The following TNFRSF21 variants were observed in gnomAD, a reference collection of about 807,000 sequenced individuals.
The protein encoded by TNFRSF21 is tumor necrosis factor receptor superfamily member 21.
TNFRSF21 carries 19 observed loss-of-function variants against 45.6 expected under a neutral mutation model. The observed-to-expected ratio is 0.42, with a 90% CI of 0.29 to 0.61. The LOEUF is 0.61. Among genes scored for constraint, TNFRSF21 ranks in the 20% least tolerant of loss-of-function variants. The pLI is 0.23. For missense variants in TNFRSF21, 737 were observed against 851.5 expected (o/e 0.87, Z 1.67); for synonymous variants, 314 against 335.5 (o/e 0.94, Z 0.70).
chr6:47,245,455 TGTTTG>T (rs1764810854), intron 4 of TNFRSF21, among the ~76,000 whole-genome samples: 6 of 123,970 alleles, frequency 4.8e-5, no homozygotes, highest in Middle Eastern at 3.8e-3. Context: ...TGTGTGTGTG[TGTTTG>T]TGTGTGTGTG....
chr6:47,294,796 GC>G (rs1762772897), intron 1 of TNFRSF21, among the ~76,000 whole-genome samples: 1 of 152,040 alleles, frequency 6.6e-6, no homozygotes, highest in Admixed American at 6.6e-5. Context: ...CCTCAAAAGT[GC>G]TGGAATTATA....
At chr6:47,262,977 T>G (rs553002986) in intron 3 of TNFRSF21, among the ~76,000 whole-genome samples, 1 of 152,044 alleles carries the variant, frequency 6.6e-6, no homozygotes, top group Admixed American at 6.6e-5. Context: ...AAGAATAAAC[T>G]GAAGGGAGCA....
chr6:47,297,443 T>C (rs971042491), intron 1 of TNFRSF21, among the ~76,000 whole-genome samples: 2 of 152,094 alleles, frequency 1.3e-5, no homozygotes, highest in Non-Finnish European at 2.9e-5. Flanking sequence ...ATTTTAACAA[T>C]CTTTTAGTTT....
At chr6:47,272,803 T>C (rs987340473) in intron 3 of TNFRSF21, among the ~76,000 whole-genome samples, 9 of 152,078 alleles carry the variant, frequency 5.9e-5, no homozygotes, top group African/African-American at 1.7e-4. Context: ...AAGAATCAAA[T>C]TGATGCAATA....
At position 47,276,246 on chromosome 6, in the gene TNFRSF21, G is replaced by C. The variant is rs371851612; in HGVS notation, c.1243+7692C>G. On this transcript the variant is annotated intron_variant, in intron 3 of 5. Coordinates refer to ENST00000296861, the MANE Select transcript of TNFRSF21 (RefSeq NM_014452.5). Reference sequence around the variant, plus strand: ...GAGGTGGACCCATACATAAGATGGAGTCTCCTGGTGAAAGCCGACATCTGT... The same window carrying C: ...GAGGTGGACCCATACATAAGATGGACTCTCCTGGTGAAAGCCGACATCTGT... Among the ~76,000 whole-genome samples, 21 of 152,256 alleles carry C rather than the reference G, an allele frequency of 1.4e-4. 1 individual carries two copies. In the South Asian group the frequency reaches 3.1e-3, roughly 23 times the overall value.
chr6:47,282,396 A>T (rs1032629385), intron 3 of TNFRSF21, among the ~76,000 whole-genome samples: 6 of 118,890 alleles, frequency 5.0e-5, no homozygotes, highest in South Asian at 2.4e-4. Context: ...AAAAAAAAAT[A>T]AAAAAAAAAA....
intron 3 of TNFRSF21, among the ~76,000 whole-genome samples, chr6:47,253,840 G>A (rs1484204114): frequency 1.3e-5 from 2 of 152,182 alleles, no homozygotes; most frequent in Non-Finnish European, 2.9e-5. Flanking sequence ...TGTTACTATA[G>A]TAATACACCC....
At chr6:47,263,553 G>A (rs559120132) in intron 3 of TNFRSF21, among the ~76,000 whole-genome samples, 160 of 152,314 alleles carry the variant, frequency 1.1e-3, no homozygotes, top group Admixed American at 3.0e-3. Flanking sequence ...GCCCAAGATG[G>A]AGGAGGAAAA....
At chr6:47,265,766 T>C (rs1193079580) in intron 3 of TNFRSF21, among the ~76,000 whole-genome samples, 1 of 152,234 alleles carries the variant, frequency 6.6e-6, no homozygotes, top group Non-Finnish European at 1.5e-5. Context: ...ATGTATACTG[T>C]AGTAATCACA....
At chr6:47,242,538 T>C (rs1764760557) in intron 4 of TNFRSF21, among the ~76,000 whole-genome samples, 1 of 152,202 alleles carries the variant, frequency 6.6e-6, no homozygotes, top group Non-Finnish European at 1.5e-5. Context: ...GTGCCTTTCC[T>C]GTATGTACAG....
intron 3 of TNFRSF21, among the ~76,000 whole-genome samples, chr6:47,262,145 G>GA (rs750139539): frequency 9.7e-4 from 147 of 151,584 alleles, no homozygotes; most frequent in Non-Finnish European, 1.4e-3. Flanking sequence ...GAAAGAGAAA[G>GA]AAAAAAAACA....
At chr6:47,264,290 G>A (rs925232999) in intron 3 of TNFRSF21, among the ~76,000 whole-genome samples, 1 of 152,166 alleles carries the variant, frequency 6.6e-6, no homozygotes, top group African/African-American at 2.4e-5. Flanking sequence ...CACTTTGGGA[G>A]GCCAAGGCAG....
At chr6:47,264,607 C>G (rs1366210172) in intron 3 of TNFRSF21, among the ~76,000 whole-genome samples, 1 of 152,224 alleles carries the variant, frequency 6.6e-6, no homozygotes, top group African/African-American at 2.4e-5. Context: ...CAGTCTCTGA[C>G]TCCCAAGGTC....
At chr6:47,292,892 T>C (rs772590072) in intron 1 of TNFRSF21, among the ~76,000 whole-genome samples, 2 of 152,332 alleles carry the variant, frequency 1.3e-5, no homozygotes, top group Middle Eastern at 3.4e-3. Context: ...TTGTCTTACA[T>C]ATCCAAAGGG....
rs1162364442 is a variant in TNFRSF21, at chr6:47,234,880, CT to C, written c.1527del (p.Ala510LeufsTer4). On this transcript the variant is annotated frameshift_variant, in exon 5 of 6. Coordinates refer to ENST00000296861, the MANE Select transcript of TNFRSF21 (RefSeq NM_014452.5). LOFTEE classifies it high-confidence loss of function. ...EDTTQLETDK[L>X]ALPMSPSPLS... ...AGCGGGCTGGGGCTCATCGGGAGAG[CT>C]AGTTTGTCAGTTTCCAGCTGTAGGA... The C allele has an allele frequency of 1.4e-6, 2 of 1,381,476 alleles. No homozygotes were observed. The allele number at this position is 1,381,476 out of a possible 1,614,324, so 85.6% of individuals were successfully genotyped here.
Position 47,253,302 on chromosome 6 carries a change from T to G in TNFRSF21, c.1463A>C (p.Asn488Thr), listed in dbSNP as rs192431004. ...CCCACGAATCTTCTCCACAACATCG[T>G]TTCTCCGGTGCTGGCGCAGGGCGCT... ...LISALRQHRR[N>T]DVVEKIRGLM... is the part of the protein sequence containing the mutation. Residue 488 changes from asparagine (N) to threonine (T), a missense_variant, in exon 4 of 6, where the codon AAC (asparagine) becomes ACC (threonine). Transcript: ENST00000296861. The G allele has an allele frequency of 1.7e-5, 27 of 1,613,798 alleles. No homozygotes were observed. The highest frequency in any genetic ancestry group is 1.9e-5 in the Non-Finnish European group (23 of 1,179,880).
chr6:47,306,210 T>G (rs1198417181), intron 1 of TNFRSF21, among the ~76,000 whole-genome samples: 1 of 152,220 alleles, frequency 6.6e-6, no homozygotes, highest in Non-Finnish European at 1.5e-5. Flanking sequence ...CAGACACTCA[T>G]CAGAAATAGA....
intron 4 of TNFRSF21, among the ~76,000 whole-genome samples, chr6:47,245,483 G>A (rs886920329): frequency 6.7e-6 from 1 of 148,536 alleles, no homozygotes; most frequent in Non-Finnish European, 1.5e-5. Context: ...TGTGTGTTGG[G>A]CAGGGAGTGT....
intron 3 of TNFRSF21, among the ~76,000 whole-genome samples, chr6:47,257,594 G>T (rs964216407): frequency 2.6e-5 from 4 of 152,208 alleles, no homozygotes; most frequent in African/African-American, 9.6e-5. Flanking sequence ...ACAGAGAAAA[G>T]CAGGAGGACG....
Sources: gnomAD v4.1 joint callset for allele counts (sites outside exome capture counted in the v4.1 genomes callset) on GRCh38, gnomAD v4.1.1 for gene constraint, MANE v1.5 for transcripts, NCBI Gene and HGNC (gene_info 2026-07-23, HGNC 2026-07-21) for gene names.